The following IFT122 variants were observed in gnomAD, a reference collection of about 807,000 sequenced individuals.
IFT122 encodes intraflagellar transport 122, also known as intraflagellar transport protein 122 homolog.
IFT122 carries 118 observed loss-of-function variants against 161.6 expected under a neutral mutation model. The ratio of observed to expected loss-of-function variants is 0.73; its 90% CI spans 0.63 to 0.85. The LOEUF is 0.85. Ranked by LOEUF, IFT122 falls within the 40% of genes least tolerant of loss-of-function variation. The pLI is 0.00. For synonymous variants in IFT122, 550 were observed against 602.4 expected (o/e 0.91, Z 1.27); for missense variants, 1,381 against 1,579.6 (o/e 0.87, Z 2.13).
At chr3:129,458,225 T>C (rs2075767084) in intron 3 of IFT122, among the ~76,000 whole-genome samples, 1 of 152,238 alleles carries the variant, frequency 6.6e-6, no homozygotes, top group Non-Finnish European at 1.5e-5. Flanking sequence ...TCCCCAGTTA[T>C]TCTCTTTCAT....
intron 22 of IFT122, 73 bp downstream of exon 22, chr3:129,506,622 G>T: frequency 6.3e-7 from 1 of 1,599,194 alleles, no homozygotes; most frequent in Non-Finnish European, 8.6e-7. Context: ...CAGAAGAGCT[G>T]GGACATTTTA....
chr3:129,514,334 T>C, intron 24 of IFT122, 55 bp from the exon 25 acceptor site: 1 of 1,595,268 alleles, frequency 6.3e-7, no homozygotes, highest in Non-Finnish European at 8.6e-7. Flanking sequence ...GGACAGGCAG[T>C]GCCAGCTCCT....
chr3:129,495,770 C>T lies in IFT122; in HGVS notation c.2208+163C>T, dbSNP rs138184756. On this transcript the variant is annotated intron_variant, in intron 18 of 29. Transcript: ENST00000348417. The stretch of plus-strand genomic sequence containing the variant: ...TAAACAAAGGACCCATCTACAGCCA[C>T]TGGTTGAAACTCACCTAAAACTGAC... Among the ~76,000 whole-genome samples, 1,653 of 152,334 alleles carry T rather than the reference C, an allele frequency of 0.011. 34 individuals are homozygous for T. The highest frequency in any genetic ancestry group is 0.037 in the African/African-American group (1,527 of 41,574).
At chr3:129,508,853 G>A (rs1195543950) in intron 23 of IFT122, among the ~76,000 whole-genome samples, 1 of 152,168 alleles carries the variant, frequency 6.6e-6, no homozygotes, top group African/African-American at 2.4e-5. Flanking sequence ...TGTGCAGTCA[G>A]GTGGGTGGAG....
intron 19 of IFT122, among the ~76,000 whole-genome samples, chr3:129,500,701 AAC>A (rs1263597677): frequency 5.3e-5 from 8 of 152,316 alleles, no homozygotes; most frequent in African/African-American, 1.2e-4. Flanking sequence ...GTACAGCAGA[AAC>A]ACAGCGAGTT....
chr3:129,512,515 G>T, intron 24 of IFT122, 103 bp downstream of exon 24: 2 of 860,398 alleles, frequency 2.3e-6, no homozygotes, highest in Non-Finnish European at 4.0e-6. Context: ...TCCTCTCTCA[G>T]CAACCCTCAG....
chr3:129,504,866 A>C (rs1440098802), intron 21 of IFT122, among the ~76,000 whole-genome samples: 1 of 152,104 alleles, frequency 6.6e-6, no homozygotes, highest in Non-Finnish European at 1.5e-5. Flanking sequence ...CCAGGGTACC[A>C]TGAGGACAAT....
At chr3:129,460,747 A>T in intron 4 of IFT122, 1 of 866,494 alleles carries the variant, frequency 1.2e-6, no homozygotes, top group East Asian at 2.4e-5. Flanking sequence ...TGAAGTTGTA[A>T]GTAAAGTATT....
chr3:129,514,262 G>A (rs996177212), intron 24 of IFT122, 127 bp from the exon 25 acceptor site: 23 of 1,015,138 alleles, frequency 2.3e-5, no homozygotes, highest in Non-Finnish European at 3.2e-5. Flanking sequence ...CCTTCCTCAC[G>A]GTCTTTCCTC....
At chr3:129,461,576 T>C (rs1052411418) in intron 5 of IFT122, 3 of 482,710 alleles carry the variant, frequency 6.2e-6, no homozygotes, top group African/African-American at 3.9e-5. Flanking sequence ...CAGGCATAAC[T>C]TGGTGTTGCT....
chr3:129,506,300 T>C (rs1362138484), intron 21 of IFT122, 109 bp from the exon 22 acceptor site: 24 of 1,255,016 alleles, frequency 1.9e-5, no homozygotes, highest in Non-Finnish European at 2.6e-5. Flanking sequence ...CTCCAATGAG[T>C]GTCCTACTTC....
At chr3:129,486,972 T>C (rs1339489094) in intron 15 of IFT122, among the ~76,000 whole-genome samples, 1 of 152,122 alleles carries the variant, frequency 6.6e-6, no homozygotes, top group Admixed American at 6.5e-5. Flanking sequence ...AGATAAGCAC[T>C]TGGAAGCAGC....
chr3:129,518,841 C>T (rs1351278207), intron 27 of IFT122, among the ~76,000 whole-genome samples: 2 of 152,222 alleles, frequency 1.3e-5, no homozygotes, highest in African/African-American at 2.4e-5. Context: ...CGTGCCTACC[C>T]GCAGTGGCTC....
chr3:129,497,784 A>G (rs1031541173), intron 18 of IFT122, among the ~76,000 whole-genome samples: 6 of 152,154 alleles, frequency 3.9e-5, no homozygotes, highest in Admixed American at 3.9e-4. Flanking sequence ...GTACCTACAC[A>G]TTATGTGGGG....
At chr3:129,488,620 C>G (rs1054017549) in intron 16 of IFT122, among the ~76,000 whole-genome samples, 28 of 152,048 alleles carry the variant, frequency 1.8e-4, no homozygotes, top group African/African-American at 6.5e-4. Flanking sequence ...AGGCCCCATC[C>G]TCACAAAGCT....
intron 9 of IFT122, among the ~76,000 whole-genome samples, chr3:129,470,701 G>C (rs2077279628): frequency 6.6e-6 from 1 of 152,120 alleles, no homozygotes; most frequent in South Asian, 2.1e-4. Flanking sequence ...CTCCTGGGTA[G>C]CTGGGATTAC....
At chr3:129,497,070 C>T (rs2080944935) in intron 18 of IFT122, among the ~76,000 whole-genome samples, 1 of 152,112 alleles carries the variant, frequency 6.6e-6, no homozygotes, top group Non-Finnish European at 1.5e-5. Flanking sequence ...TGCTTGAGCT[C>T]AGGAGGTCGA....
intron 13 of IFT122, among the ~76,000 whole-genome samples, chr3:129,480,561 G>T (rs948720007): frequency 2.0e-5 from 3 of 152,232 alleles, no homozygotes; most frequent in African/African-American, 7.2e-5. Flanking sequence ...GCTTATGGCT[G>T]AGGCTTGTCA....
chr3:129,517,267 T>TGCGCGCGCGCGCGC (rs1393052402), intron 26 of IFT122, among the ~76,000 whole-genome samples: 2 of 89,784 alleles, frequency 2.2e-5, no homozygotes, highest in African/African-American at 5.8e-5. Context: ...ACATTGCTCC[T>TGCGCGCGCGCGCGC]GCACACACAC....
Sources: allele counts gnomAD v4.1 joint callset (sites outside exome capture counted in the v4.1 genomes callset), GRCh38; gene constraint gnomAD v4.1.1; transcripts MANE v1.5; gene names NCBI Gene and HGNC (gene_info 2026-07-23, HGNC 2026-07-21).